PRKCA: variants seen among roughly 807,000 people sequenced by gnomAD.
PRKCA encodes protein kinase C alpha type.
PRKCA carries 27 observed loss-of-function variants against 87.0 expected under a neutral mutation model. The observed-to-expected ratio is 0.31, with a 90% CI of 0.23 to 0.43. The LOEUF is 0.43. PRKCA is among the 20% of genes least tolerant of loss of function. The pLI, the probability that PRKCA is intolerant of heterozygous loss-of-function variation, is 1.00. For missense variants in PRKCA, 518 were observed against 852.3 expected (o/e 0.61, Z 4.88); for synonymous variants, 329 against 311.1 (o/e 1.06, Z -0.61).
intron 3 of PRKCA, among the ~76,000 whole-genome samples, chr17:66,522,113 C>G (rs1360479155): frequency 6.6e-6 from 1 of 152,178 alleles, no homozygotes; most frequent in East Asian, 1.9e-4. Flanking sequence ...TTGGAGCACA[C>G]ATCCCTCAAC....
In PRKCA at chr17:66,493,297, T is replaced by TTGTGTGTGTG. The variant is rs61513917; in HGVS notation, c.206-2884_206-2875dup. 9.6e-3 allele frequency among the ~76,000 whole-genome samples: 1,371 copies of TTGTGTGTGTG among 143,158 alleles called. 14 individuals carry two copies. Among genetic ancestry groups the TTGTGTGTGTG allele is most frequent in the African/African-American group, 0.029 (1,163 of 39,782 alleles). The allele number at this position is 143,158 out of a possible 152,430, so 93.9% of individuals were successfully genotyped here. On this transcript the variant is annotated intron_variant, in intron 2 of 16. Coordinates refer to ENST00000413366, the MANE Select transcript of PRKCA (RefSeq NM_002737.3). The stretch of plus-strand genomic sequence containing the variant: ...TATGTGTATGTCTATGTAGGTATAT[T>TTGTGTGTGTG]TGTGTGTGTGTGTGTGTGTGTGTGT...
intron 13 of PRKCA, among the ~76,000 whole-genome samples, chr17:66,745,526 C>T (rs915844221): frequency 3.3e-5 from 5 of 152,034 alleles, no homozygotes; most frequent in African/African-American, 9.7e-5. Context: ...CTAAAAAATA[C>T]AAAAATTAGC....
intron 13 of PRKCA, among the ~76,000 whole-genome samples, chr17:66,746,881 G>A (rs996138594): frequency 3.0e-4 from 45 of 152,230 alleles, no homozygotes; most frequent in Middle Eastern, 3.4e-3. Flanking sequence ...TATTCTGGGC[G>A]TGTGTGATCC....
intron 3 of PRKCA, among the ~76,000 whole-genome samples, chr17:66,580,607 G>A (rs77468389): frequency 2.0e-5 from 3 of 152,148 alleles, no homozygotes; most frequent in South Asian, 2.1e-4. Flanking sequence ...AAAGTTGTCC[G>A]TGTTTTTATA....
chr17:66,417,692 A>G (rs1912236375), intron 2 of PRKCA, among the ~76,000 whole-genome samples: 1 of 152,146 alleles, frequency 6.6e-6, no homozygotes, highest in Non-Finnish European at 1.5e-5. Context: ...CCCATTGCCC[A>G]GGCTCACGTT....
At chr17:66,476,519 G>A (rs972663096) in intron 2 of PRKCA, among the ~76,000 whole-genome samples, 3 of 152,194 alleles carry the variant, frequency 2.0e-5, no homozygotes, top group African/African-American at 7.2e-5. Flanking sequence ...GGTGGAACTG[G>A]GAGGGCCGGG....
In PRKCA at chr17:66,619,116, T is replaced by G. The variant is rs995358625; in HGVS notation, c.289-22239T>G. On this transcript the variant is annotated intron_variant, in intron 3 of 16. Coordinates refer to ENST00000413366, the MANE Select transcript of PRKCA (RefSeq NM_002737.3). ...TTTTTTTCTGGCAATCCAAGTCAGCTGGAGAAGCTAGGGTCGGGAAACTAG... is the reference window on the plus strand; with the variant it reads ...TTTTTTTCTGGCAATCCAAGTCAGCGGGAGAAGCTAGGGTCGGGAAACTAG... 2.3e-4 allele frequency among the ~76,000 whole-genome samples: 35 copies of G among 152,292 alleles called. 1 individual carries two copies. The highest frequency in any genetic ancestry group is 1.2e-3 in the East Asian group (6 of 5,178).
intron 2 of PRKCA, among the ~76,000 whole-genome samples, chr17:66,359,935 AT>A (rs1322395077): frequency 1.3e-5 from 2 of 152,184 alleles, no homozygotes; most frequent in African/African-American, 4.8e-5. Context: ...TAAACTGCCC[AT>A]TGTTTAAATG....
rs543113821 is a variant in PRKCA, at chr17:66,792,315, T to G, written c.1854+3336T>G. 2.6e-5 allele frequency among the ~76,000 whole-genome samples: 4 copies of G among 152,358 alleles called. No homozygotes were observed. The highest frequency in any genetic ancestry group is 4.8e-5 in the African/African-American group (2 of 41,578). On this transcript the variant is annotated intron_variant, in intron 16 of 16. Transcript: ENST00000413366. The surrounding 1 kb of genome is among the most constrained non-coding windows in gnomAD (Gnocchi z 4.5). ...GTTCTCACAGTTATTTGCAAACTGCTTCTACAGATCAGATTGAGCTTGTAG... is the reference window on the plus strand; with the variant it reads ...GTTCTCACAGTTATTTGCAAACTGCGTCTACAGATCAGATTGAGCTTGTAG...
At chr17:66,539,650 G>A (rs767813600) in intron 3 of PRKCA, among the ~76,000 whole-genome samples, 12 of 152,136 alleles carry the variant, frequency 7.9e-5, no homozygotes, top group African/African-American at 1.2e-4. Flanking sequence ...TGATCTGCCC[G>A]CCTTGGCCTC....
intron 2 of PRKCA, among the ~76,000 whole-genome samples, chr17:66,441,309 A>G (rs1454763189): frequency 6.6e-6 from 1 of 151,694 alleles, no homozygotes; most frequent in Non-Finnish European, 1.5e-5. Context: ...ACACCTCTGC[A>G]TTCCAGCTTG....
At chr17:66,627,831 A>T (rs1277347246) in intron 3 of PRKCA, among the ~76,000 whole-genome samples, 2 of 152,322 alleles carry the variant, frequency 1.3e-5, no homozygotes, top group South Asian at 4.1e-4. Context: ...TTGAACCTTC[A>T]TAGTTTCCCA....
chr17:66,477,531 C>A (rs1915585746), intron 2 of PRKCA, among the ~76,000 whole-genome samples: 2 of 152,112 alleles, frequency 1.3e-5, no homozygotes, highest in South Asian at 2.1e-4. Context: ...GAAACCCCGT[C>A]TCTACTAAAA....
chr17:66,476,024 A>G (rs550043886), intron 2 of PRKCA, among the ~76,000 whole-genome samples: 2 of 152,128 alleles, frequency 1.3e-5, no homozygotes, highest in East Asian at 3.9e-4. Flanking sequence ...CAGCCTCCCA[A>G]GTAGTTGGGA....
intron 2 of PRKCA, among the ~76,000 whole-genome samples, chr17:66,465,165 C>T (rs913972102): frequency 1.7e-4 from 26 of 152,162 alleles, no homozygotes; most frequent in Non-Finnish European, 3.1e-4. Flanking sequence ...ATAACCACAA[C>T]TTAACATTTG....
At chr17:66,665,452 C>T (rs1972017800) in intron 5 of PRKCA, among the ~76,000 whole-genome samples, 1 of 152,138 alleles carries the variant, frequency 6.6e-6, no homozygotes, top group Admixed American at 6.5e-5. Flanking sequence ...TGGAGATGCC[C>T]TGAGAAGGGA....
Position 66,737,378 on chromosome 17 carries a change from A to C in PRKCA, c.1231-1386A>C, listed in dbSNP as rs529565327. Reference sequence around the variant, plus strand: ...ACTCTGTCTTAAAAAGAAAAAAAAGAAACATAGATGTTTAGATGCCACCAT... The same window carrying C: ...ACTCTGTCTTAAAAAGAAAAAAAAGCAACATAGATGTTTAGATGCCACCAT... On this transcript the variant is annotated intron_variant, in intron 10 of 16. Transcript: ENST00000413366. 9.2e-5 allele frequency among the ~76,000 whole-genome samples: 14 copies of C among 152,240 alleles called. No individual in the cohort carries two copies. In the South Asian group the frequency reaches 2.9e-3, roughly 32 times the overall value.
intron 2 of PRKCA, among the ~76,000 whole-genome samples, chr17:66,340,753 A>T (rs908837964): frequency 1.3e-5 from 2 of 152,130 alleles, no homozygotes; most frequent in African/African-American, 2.4e-5. Context: ...CTTTATTTAG[A>T]AGTCATTCAT....
chr17:66,534,847 G>A (rs537443504), intron 3 of PRKCA, among the ~76,000 whole-genome samples: 2 of 152,252 alleles, frequency 1.3e-5, no homozygotes, highest in East Asian at 1.9e-4. Context: ...GAATTGCCTG[G>A]GGTAGACTTA....
Sources: gnomAD v4.1 joint callset for allele counts (sites outside exome capture counted in the v4.1 genomes callset) on GRCh38, gnomAD v4.1.1 for gene constraint, Gnocchi (gnomAD v3.1) non-coding constraint, MANE v1.5 for transcripts, NCBI Gene and HGNC (gene_info 2026-07-23, HGNC 2026-07-21) for gene names.